CTNNA3: variants seen among roughly 807,000 people sequenced by gnomAD.
The protein encoded by CTNNA3 is catenin alpha-3.
Under a neutral mutation model 95.7 loss-of-function variants are expected in CTNNA3, and 76 were observed. The ratio of observed to expected loss-of-function variants is 0.79; its 90% CI spans 0.66 to 0.96. The LOEUF (loss-of-function observed/expected upper bound fraction) is 0.96, where lower values mean the gene tolerates loss of function less well. CTNNA3 is among the 40% of genes least tolerant of loss of function. The pLI is 0.00. For missense variants in CTNNA3, 1,191 were observed against 1,089.8 expected (o/e 1.09, Z -1.31); for synonymous variants, 431 against 374.4 (o/e 1.15, Z -1.74).
chr10:66,072,483 C>T (rs2080460664), intron 14 of CTNNA3, among the ~76,000 whole-genome samples: 1 of 149,668 alleles, frequency 6.7e-6, no homozygotes, highest in Admixed American at 6.6e-5. Flanking sequence ...CTTGCTCTGT[C>T]ACCCAGGCTG....
chr10:66,426,968 A>G (rs1357623462), intron 11 of CTNNA3, among the ~76,000 whole-genome samples: 4 of 151,984 alleles, frequency 2.6e-5, no homozygotes, highest in Non-Finnish European at 5.9e-5. Flanking sequence ...ATATCATTCA[A>G]GTAACTAATA....
intron 12 of CTNNA3, among the ~76,000 whole-genome samples, chr10:66,367,828 T>A (rs1267361737): frequency 6.8e-6 from 1 of 147,100 alleles, no homozygotes; most frequent in Non-Finnish European, 1.5e-5. Flanking sequence ...TCTGGTTTTC[T>A]GCATCTTTTT....
intron 6 of CTNNA3, among the ~76,000 whole-genome samples, chr10:67,209,204 G>A (rs534697495): frequency 2.6e-5 from 4 of 152,052 alleles, no homozygotes; most frequent in Admixed American, 6.6e-5. Context: ...ACACGCCACC[G>A]TGTCCAGCTA....
intron 5 of CTNNA3, among the ~76,000 whole-genome samples, chr10:67,512,325 G>T (rs907846951): frequency 2.6e-5 from 4 of 152,204 alleles, no homozygotes; most frequent in Admixed American, 6.5e-5. Flanking sequence ...TAGTATGAAG[G>T]TTCCTAAAAT....
At chr10:67,073,967 T>C (rs1014365435) in intron 7 of CTNNA3, among the ~76,000 whole-genome samples, 4 of 152,144 alleles carry the variant, frequency 2.6e-5, no homozygotes, top group Non-Finnish European at 5.9e-5. Flanking sequence ...GATACAGATA[T>C]TTATTTCGCA....
intron 11 of CTNNA3, among the ~76,000 whole-genome samples, chr10:66,436,102 G>C (rs567747510): frequency 1.3e-5 from 2 of 152,080 alleles, no homozygotes; most frequent in Non-Finnish European, 2.9e-5. Flanking sequence ...CAATTATGTG[G>C]TCAATTTTAG....
At chr10:66,331,338 G>GCTTGCTTTTTTTTT (rs1417713676) in intron 12 of CTNNA3, among the ~76,000 whole-genome samples, 476 of 39,066 alleles carry the variant, frequency 0.012, 89 homozygotes, top group African/African-American at 0.022. Context: ...TTTCCCCATT[G>GCTTGCTTTTTTTTT]TTTGTTTTTT....
chr10:67,244,891 T>A (rs1269081618), intron 5 of CTNNA3, among the ~76,000 whole-genome samples: 3 of 152,206 alleles, frequency 2.0e-5, no homozygotes, highest in Non-Finnish European at 4.4e-5. Context: ...ACAGTTCAGT[T>A]AACAGCAATT....
chr10:67,507,250 C>T (rs1423091212), intron 5 of CTNNA3, among the ~76,000 whole-genome samples: 1 of 152,070 alleles, frequency 6.6e-6, no homozygotes, highest in Non-Finnish European at 1.5e-5. Context: ...TAAATCAAGG[C>T]CGGGTGCAGT....
intron 11 of CTNNA3, among the ~76,000 whole-genome samples, chr10:66,481,355 C>T (rs1006059022): frequency 6.6e-6 from 1 of 150,668 alleles, no homozygotes; most frequent in African/African-American, 2.4e-5. Context: ...TGAACAAATT[C>T]ATTATTCATC....
intron 7 of CTNNA3, among the ~76,000 whole-genome samples, chr10:66,946,167 G>T (rs915708705): frequency 3.9e-5 from 6 of 152,074 alleles, no homozygotes; most frequent in African/African-American, 1.4e-4. Context: ...GCAATAAAAT[G>T]CAGTACAATA....
chr10:66,147,507 G>A (rs764401474), intron 13 of CTNNA3, among the ~76,000 whole-genome samples: 2 of 151,182 alleles, frequency 1.3e-5, no homozygotes, highest in Non-Finnish European at 2.9e-5. Context: ...AACAACAGAT[G>A]ACTCTCCCTC....
chr10:66,082,842 T>G (rs943520232), intron 14 of CTNNA3, among the ~76,000 whole-genome samples: 1 of 152,276 alleles, frequency 6.6e-6, no homozygotes, highest in Admixed American at 6.5e-5. Flanking sequence ...CCTGTCTTCT[T>G]AGATGGGCCC....
chr10:66,008,468 C>T (rs1004589870), intron 15 of CTNNA3, among the ~76,000 whole-genome samples: 1 of 152,188 alleles, frequency 6.6e-6, no homozygotes, highest in African/African-American at 2.4e-5. Context: ...CGAAAGGCGT[C>T]CCTCTTCACA....
At chr10:67,228,355 C>G (rs112631172) in intron 5 of CTNNA3, among the ~76,000 whole-genome samples, 5 of 152,168 alleles carry the variant, frequency 3.3e-5, no homozygotes, top group African/African-American at 1.2e-4. Flanking sequence ...TGGCTCACGC[C>G]GGTAATCCCA....
At chr10:66,541,206 A>G (rs1170786972) in intron 10 of CTNNA3, among the ~76,000 whole-genome samples, 1 of 151,968 alleles carries the variant, frequency 6.6e-6, no homozygotes, top group Non-Finnish European at 1.5e-5. Context: ...GGCTTCAATT[A>G]TTTTCTCTTA....
chr10:67,116,825 T>G (rs190488188), intron 7 of CTNNA3, among the ~76,000 whole-genome samples: 61 of 151,132 alleles, frequency 4.0e-4, no homozygotes, highest in African/African-American at 1.3e-3. Context: ...TTAAAAATTC[T>G]ATAGCTTTAC....
rs1431258761 is a variant in CTNNA3 at position 65,928,261 on chromosome 10, T to A, written c.2401-7644A>T. 4.6e-5 allele frequency among the ~76,000 whole-genome samples: 7 copies of A among 152,180 alleles called. No individual in the cohort carries two copies. In the South Asian group the frequency reaches 1.2e-3, roughly 27 times the overall value. On this transcript the variant is annotated intron_variant, in intron 17 of 17. Transcript: ENST00000433211. ...AGTCAAAATGATTTTCTTTTCTTTT[T>A]AAATAATCTTGGAATTGCTGTCAAA...
At chr10:67,494,803 C>T (rs916371148) in intron 5 of CTNNA3, among the ~76,000 whole-genome samples, 1 of 152,152 alleles carries the variant, frequency 6.6e-6, no homozygotes, top group African/African-American at 2.4e-5. Flanking sequence ...AATATTAACA[C>T]CTGTTGTGGG....
Sources: allele counts gnomAD v4.1 joint callset (sites outside exome capture counted in the v4.1 genomes callset), GRCh38; gene constraint gnomAD v4.1.1; transcripts MANE v1.5; gene names NCBI Gene and HGNC (gene_info 2026-07-23, HGNC 2026-07-21).